DOCK1: variants seen among roughly 807,000 people sequenced by gnomAD.
DOCK1 encodes dedicator of cytokinesis 1.
A neutral mutation model predicts 262.7 loss-of-function variants in DOCK1; 138 were observed. That is an observed-to-expected ratio of 0.53 (90% CI 0.46 to 0.61). DOCK1 has a LOEUF of 0.61. Among genes scored for constraint, DOCK1 ranks in the 20% least tolerant of loss-of-function variants. The probability of loss-of-function intolerance (pLI) is 0.00; values close to 1 mark genes in which losing one functional copy is unlikely to be tolerated. For missense variants in DOCK1, 1,908 were observed against 2,370.7 expected, an observed-to-expected ratio of 0.80 and a Z score of 4.05; for synonymous variants, 866 against 867.4, an observed-to-expected ratio of 1.00 and a Z score of 0.03.
chr10:127,283,755 A>G (rs931165774), intron 29 of DOCK1, among the ~76,000 whole-genome samples: 1 of 152,222 alleles, frequency 6.6e-6, no homozygotes, highest in Non-Finnish European at 1.5e-5. Context: ...TCCAGTGGGT[A>G]TACCATAACT....
rs572174231 is a variant in DOCK1, at chr10:126,987,401, G to C, written c.228-120G>C. On this transcript the variant is annotated intron_variant, in intron 4 of 51. Transcript: ENST00000623213. ...ATGTGTGCATGCAGTCTTATTTGTA[G>C]ATTTTCTTCCCATTTGCTTAATACT... 742 of 698,552 alleles carry C rather than the reference G, an allele frequency of 1.1e-3. 16 individuals are homozygous for C. The South Asian group carries it at 0.013, about 13-fold the overall frequency. The allele number at this position is 698,552 out of a possible 1,614,324, so 43.3% of individuals were successfully genotyped here.
chr10:127,360,589 G>A (rs10829838), intron 32 of DOCK1, among the ~76,000 whole-genome samples: 31,972 of 152,184 alleles, frequency 0.21, 3,571 homozygotes, highest in Middle Eastern at 0.34. Context: ...TTAGCATTGT[G>A]ATGTCTCAAC....
intron 47 of DOCK1, among the ~76,000 whole-genome samples, chr10:127,429,598 A>G (rs1326485633): frequency 6.6e-6 from 1 of 152,222 alleles, no homozygotes; most frequent in Non-Finnish European, 1.5e-5. Context: ...GAAGATGTGG[A>G]CGCCCTCTGA....
intron 1 of DOCK1, among the ~76,000 whole-genome samples, chr10:126,918,563 T>C (rs1349282383): frequency 6.6e-6 from 1 of 152,238 alleles, no homozygotes; most frequent in East Asian, 1.9e-4. Flanking sequence ...TAGCAGGGCC[T>C]GCCCAGTAGA....
chr10:127,131,503 T>C (rs1167519), intron 27 of DOCK1, among the ~76,000 whole-genome samples: 125,020 of 152,198 alleles, frequency 0.82, 52,052 homozygotes, highest in East Asian at 0.94. Flanking sequence ...GAAGGGTGTT[T>C]GCCACTGAAA....
At chr10:127,062,430 T>C (rs952555622) in intron 23 of DOCK1, among the ~76,000 whole-genome samples, 5 of 152,228 alleles carry the variant, frequency 3.3e-5, no homozygotes, top group Non-Finnish European at 5.9e-5. Flanking sequence ...TTTGAACATA[T>C]ACACTAAATT....
At position 127,184,927 on chromosome 10, in the gene DOCK1, G is replaced by A. The variant is rs531724478; in HGVS notation, c.2847+57163G>A. 2.0e-5 allele frequency among the ~76,000 whole-genome samples: 3 copies of A among 152,240 alleles called. No individual in the cohort carries two copies. The South Asian group carries it at 6.2e-4, about 32-fold the overall frequency. On this transcript the variant is annotated intron_variant, in intron 27 of 51. Transcript: ENST00000623213. ...ACCTAGGCACCATACTGGATGCTGG[G>A]CACACAGGAAAAAACAAGGCATACT... is the stretch of plus-strand genomic sequence containing the variant.
chr10:127,019,987 C>T (rs1738801328), intron 13 of DOCK1, among the ~76,000 whole-genome samples: 1 of 152,138 alleles, frequency 6.6e-6, no homozygotes, highest in Non-Finnish European at 1.5e-5. Flanking sequence ...TACTTTAGTG[C>T]AACTTCAAGA....
chr10:127,318,691 C>A (rs753567025), intron 29 of DOCK1, among the ~76,000 whole-genome samples: 1 of 152,178 alleles, frequency 6.6e-6, no homozygotes, highest in African/African-American at 2.4e-5. Context: ...ACTTTTGCGC[C>A]AGGACTATTT....
At chr10:127,044,435 A>T (rs2044210847) in intron 21 of DOCK1, among the ~76,000 whole-genome samples, 1 of 152,172 alleles carries the variant, frequency 6.6e-6, no homozygotes, top group Non-Finnish European at 1.5e-5. Context: ...CGTTTGTTTA[A>T]AACATTTTGT....
intron 27 of DOCK1, among the ~76,000 whole-genome samples, chr10:127,140,295 G>T (rs906527225): frequency 6.6e-6 from 1 of 152,094 alleles, no homozygotes. Flanking sequence ...AAAATGACTC[G>T]ACTTTATCTG....
chr10:127,128,294 TC>T lies in DOCK1; in HGVS notation c.2847+531del, dbSNP rs551785945. Reference sequence around the variant, plus strand: ...GTCCTCTGCACCCCCTTACCTTAAGTCTGTTTCCTTCAGCAAAAAATGCATG... The same window carrying T: ...GTCCTCTGCACCCCCTTACCTTAAGTTGTTTCCTTCAGCAAAAAATGCATG... On this transcript the variant is annotated intron_variant, in intron 27 of 51. Transcript: ENST00000623213. Among the ~76,000 whole-genome samples, 7 of 151,980 alleles carry T rather than the reference TC, an allele frequency of 4.6e-5. No individual in the cohort carries two copies. The South Asian group carries it at 1.5e-3, about 32-fold the overall frequency.
At chr10:126,939,496 C>G (rs1363549449) in intron 1 of DOCK1, among the ~76,000 whole-genome samples, 1 of 152,122 alleles carries the variant, frequency 6.6e-6, no homozygotes, top group Admixed American at 6.6e-5. Context: ...ATTTCTTAGG[C>G]TGGTAGGTTA....
chr10:127,066,861 A>G (rs2045910614), intron 23 of DOCK1, among the ~76,000 whole-genome samples: 1 of 152,374 alleles, frequency 6.6e-6, no homozygotes. Flanking sequence ...ACCCAAGGCC[A>G]CAAGAGCTGG....
At chr10:126,977,852 G>T in intron 2 of DOCK1, 96 bp from the exon 3 acceptor site, 1 of 1,219,686 alleles carries the variant, frequency 8.2e-7, no homozygotes, top group Non-Finnish European at 1.2e-6. Flanking sequence ...GACCTCACTG[G>T]TTCTGCCAAA....
In DOCK1 at chr10:127,266,155, G is replaced by A. The variant is rs61870263; in HGVS notation, c.3044+8726G>A. ...GTGTTTTCTTTCCTGTTCTACCTCCGTCCAGAGAAGCACCTCTGCATCCCA... is the reference window on the plus strand; with the variant it reads ...GTGTTTTCTTTCCTGTTCTACCTCCATCCAGAGAAGCACCTCTGCATCCCA... On this transcript the variant is annotated intron_variant, in intron 29 of 51. Transcript: ENST00000623213. Among the ~76,000 whole-genome samples, 1,134 of 152,316 alleles carry A rather than the reference G, an allele frequency of 7.4e-3. 6 individuals carry two copies. Among genetic ancestry groups the A allele is most frequent in the Admixed American group, 0.013 (193 of 15,306 alleles).
intron 27 of DOCK1, among the ~76,000 whole-genome samples, chr10:127,205,302 G>A (rs1021074249): frequency 1.3e-5 from 2 of 152,266 alleles, no homozygotes; most frequent in East Asian, 1.9e-4. Context: ...TCACTCTGGA[G>A]CTTTCTCTGC....
intron 27 of DOCK1, among the ~76,000 whole-genome samples, chr10:127,178,055 C>A (rs942542227): frequency 6.6e-6 from 1 of 152,144 alleles, no homozygotes; most frequent in Non-Finnish European, 1.5e-5. Context: ...ACTGAGTTAG[C>A]ATGACAGGCC....
chr10:127,102,696 C>T lies in DOCK1; in HGVS notation c.2446-3535C>T, dbSNP rs539701124. On this transcript the variant is annotated intron_variant, in intron 23 of 51. Transcript: ENST00000623213. ...CTCTACTAAAAATACAAAAATTAGC[C>T]GGGTGTGGTGGCGGGCACCTGTACT... Among the ~76,000 whole-genome samples the T allele has an allele frequency of 3.6e-4, 55 of 152,162 alleles. 1 individual carries two copies. Among genetic ancestry groups the T allele is most frequent in the African/African-American group, 1.2e-3 (49 of 41,516 alleles).
Sources: allele counts gnomAD v4.1 joint callset (sites outside exome capture counted in the v4.1 genomes callset), GRCh38; gene constraint gnomAD v4.1.1; transcripts MANE v1.5; gene names NCBI Gene and HGNC (gene_info 2026-07-23, HGNC 2026-07-21).